The following FN1 variants were observed in gnomAD, a reference collection of about 807,000 sequenced individuals.
FN1 encodes the protein fibronectin.
A neutral mutation model predicts 297.3 loss-of-function variants in FN1; 106 were observed. That is an observed-to-expected ratio of 0.36 (90% CI 0.30 to 0.42). FN1 has a LOEUF of 0.42. FN1 is among the 10% of genes least tolerant of loss of function. FN1 has a pLI of 1.00. For synonymous variants in FN1, 1,149 were observed against 1,152.6 expected (o/e 1.00, Z 0.06); for missense variants, 2,690 against 3,124.9 (o/e 0.86, Z 3.32).
intron 12 of FN1, among the ~76,000 whole-genome samples, chr2:215,416,472 GA>G (rs2063449702): frequency 6.6e-6 from 1 of 152,054 alleles, no homozygotes; most frequent in Non-Finnish European, 1.5e-5. Context: ...AACTATTCAA[GA>G]AAAATTTTGG....
At chr2:215,404,333 A>C in intron 20 of FN1, 56 bp downstream of exon 20, 1 of 1,483,868 alleles carries the variant, frequency 6.7e-7, no homozygotes, top group Non-Finnish European at 9.4e-7. Flanking sequence ...GTTTTAAAGC[A>C]TGAAGAATAG....
At chr2:215,401,785 G>A (rs533941394) in intron 20 of FN1, among the ~76,000 whole-genome samples, 10 of 151,972 alleles carry the variant, frequency 6.6e-5, no homozygotes, top group African/African-American at 2.4e-4. Context: ...ATTCTAAGGA[G>A]CCATTTTTTA....
rs1167204717 is a variant in FN1, at chr2:215,368,022, C to T, written c.6859G>A (p.Glu2287Lys). The change falls in exon 42 of 46, where the codon GAA becomes AAA. Residue 2287 changes from glutamate (E) to lysine (K), a missense_variant. Transcript: ENST00000354785. The part of the protein sequence containing the change: ...EVVTVGNSVN[E>K]GLNQPTDDSC... ...TCATCCGTAGGTTGGTTCAAGCCTTCGTTGACTATGAAGAAAAGGAAGAAA... is the reference window on the plus strand; with the variant it reads ...TCATCCGTAGGTTGGTTCAAGCCTTTGTTGACTATGAAGAAAAGGAAGAAA... The T allele has an allele frequency of 5.0e-6, 8 of 1,614,058 alleles. No individual in the cohort carries two copies. In the East Asian group the frequency reaches 1.1e-4, roughly 22 times the overall value.
In FN1 at chr2:215,431,861, T is replaced by C. The variant is rs772613670; in HGVS notation, c.519A>G (p.Gly173=). 1.2e-5 allele frequency: 20 copies of C among 1,614,026 alleles called. No individual in the cohort carries two copies. In the African/African-American group the frequency reaches 2.7e-4, roughly 22 times the overall value. The change falls in exon 4 of 46, where the codon GGA becomes GGG. Residue 173 remains glycine (G), a synonymous_variant. Coordinates refer to ENST00000354785, the MANE Select transcript of FN1 (RefSeq NM_212482.4). ...YMLECVCLGN[G]KGEWTCKPIA... is the part of the protein sequence containing the mutation. Reference sequence around the variant, plus strand: ...TGGGCTTGCAGGTCCATTCTCCTTTTCCATTACCAAGACACACACACTCTA... The same window carrying C: ...TGGGCTTGCAGGTCCATTCTCCTTTCCCATTACCAAGACACACACACTCTA...
rs1470274039 is a variant in FN1, at chr2:215,381,026, T to G, written c.5219A>C (p.Lys1740Thr). 6.2e-7 allele frequency: 1 copy of G among 1,614,236 alleles called. No homozygotes were observed. Among genetic ancestry groups the G allele is most frequent in the Non-Finnish European group, 8.5e-7 (1 of 1,180,026 alleles). The change falls in exon 33 of 46, where the codon AAA becomes ACA. Residue 1740 changes from lysine (K) to threonine (T), a missense_variant. Lys to Thr is a moderately conservative substitution (Grantham distance 78). Around this residue, in one of 3 missense-constraint regions of FN1, gnomAD observed 1,743 missense variants for 1,945.2 expected, o/e 0.90. Transcript: ENST00000354785. ...CCCCTGTGGGCTTTCCCAAGCAATT[T>G]TGATGGAATCGACATCCACATCAGT... ...AFTDVDVDSI[K>T]IAWESPQGQV...
chr2:215,370,554 C>CA (rs768951130), intron 40 of FN1, 122 bp from the exon 41 acceptor site: 15,640 of 309,906 alleles, frequency 0.05, 10 homozygotes, highest in South Asian at 0.064. Context: ...AAACAAAAAA[C>CA]AAAAAAAAAA....
At chr2:215,373,463 G>A (rs759748522) in intron 38 of FN1, 52 bp from the exon 39 acceptor site, 7 of 1,471,678 alleles carry the variant, frequency 4.8e-6, no homozygotes, top group Non-Finnish European at 6.6e-6. Context: ...AGCTAGTCAA[G>A]TGGAAGTCGG....
chr2:215,382,957 G>A (rs1417141753), intron 31 of FN1, among the ~76,000 whole-genome samples: 1 of 151,574 alleles, frequency 6.6e-6, no homozygotes, highest in Non-Finnish European at 1.5e-5. Context: ...AATATTAGGT[G>A]GTCCTACCCC....
rs1559628863 is a variant in FN1 at position 215,435,665 on chromosome 2, A to G, written c.138T>C (p.Ser46=). ...MVQPQSPVAV[S]QSKPGCYDNG... is the part of the protein sequence containing the mutation. ...GCGGTCAGTACTCACGCTTGCTTTG[A>G]CTGACAGCCACCGGGGACTGGGGCT... Residue 46 remains serine, a synonymous_variant, in exon 1 of 46, where the codon AGT becomes AGC. Coordinates refer to ENST00000354785, the MANE Select transcript of FN1 (RefSeq NM_212482.4). The G allele has an allele frequency of 4.3e-6, 7 of 1,613,470 alleles. No homozygotes were observed. Among genetic ancestry groups the G allele is most frequent in the East Asian group, 2.2e-5 (1 of 44,874 alleles).
intron 38 of FN1, 147 bp from the exon 39 acceptor site, chr2:215,373,558 C>T: frequency 1.4e-6 from 1 of 693,090 alleles, no homozygotes; most frequent in Non-Finnish European, 2.7e-6. Context: ...CTTCACTTTT[C>T]CTCCATAAAC....
chr2:215,434,901 A>G (rs1029912657), intron 1 of FN1, 77 bp from the exon 2 acceptor site: 1 of 1,511,484 alleles, frequency 6.6e-7, no homozygotes, highest in African/African-American at 1.4e-5. Flanking sequence ...TCATGTGAAT[A>G]TTGACGTACA....
chr2:215,362,159 A>T (rs2053594932), intron 44 of FN1, 80 bp from the exon 45 acceptor site: 1 of 1,065,612 alleles, frequency 9.4e-7, no homozygotes, highest in African/African-American at 1.5e-5. Context: ...AGTTAAAGAA[A>T]AATGTCACAT....
chr2:215,406,594 G>GT, intron 18 of FN1, 84 bp from the exon 19 acceptor site: 1 of 1,395,574 alleles, frequency 7.2e-7, no homozygotes. Context: ...ATGTTAGGCA[G>GT]TTCATTGAGC....
At position 215,380,881 on chromosome 2, in the gene FN1, C is replaced by T. The variant is rs919691579; in HGVS notation, c.5364G>A (p.Glu1788=). The change falls in exon 33 of 46, where the codon GAG becomes GAA. Residue 1788 remains glutamate (E), a synonymous_variant. Transcript: ENST00000354785. Reference sequence around the variant, plus strand: ...GCAAGGCAACCACACTGACTGTGTACTCAGAACCCGGTCTGAGGCCTTGCA... The same window carrying T: ...GCAAGGCAACCACACTGACTGTGTATTCAGAACCCGGTCTGAGGCCTTGCA... The part of the protein sequence containing the change: ...AELQGLRPGS[E]YTVSVVALHD... 1 of 1,614,166 alleles carries T rather than the reference C, an allele frequency of 6.2e-7. No individual in the cohort carries two copies. The highest frequency in any genetic ancestry group is 8.5e-7 in the Non-Finnish European group (1 of 1,180,026).
chr2:215,414,644 C>T (rs2063177339), intron 13 of FN1, 193 bp downstream of exon 13: 1 of 1,340,214 alleles, frequency 7.5e-7, no homozygotes, highest in Non-Finnish European at 9.6e-7. Context: ...AAACCCAAAA[C>T]CAAAACCAAA....
Position 215,378,155 on chromosome 2 carries a change from G to A in FN1, c.5710+20C>T, listed in dbSNP as rs762975013. The A allele has an allele frequency of 7.1e-7, 1 of 1,416,254 alleles. No homozygotes were observed. Among genetic ancestry groups the A allele is most frequent in the South Asian group, 1.1e-5 (1 of 87,240 alleles). 87.7% of individuals were successfully genotyped at this position (1,416,254 alleles called of 1,614,324 possible). The stretch of plus-strand genomic sequence containing the variant: ...GTCTATACAGAAGGTTTGTCCATAT[G>A]AAGACATTTTGTTACTTACTCTCCA... On this transcript the variant is annotated intron_variant, in intron 35 of 45. Transcript: ENST00000354785.
Position 215,384,131 on chromosome 2 carries a change from T to A in FN1, c.4783A>T (p.Thr1595Ser). The A allele has an allele frequency of 6.2e-7, 1 of 1,614,116 alleles. No homozygotes were observed. Among genetic ancestry groups the A allele is most frequent in the Non-Finnish European group, 8.5e-7 (1 of 1,179,992 alleles). Reference protein sequence around the residue: ...FTVPGSKSTATISGLKPGVDY... With the variant: ...FTVPGSKSTASISGLKPGVDY... ...ACTCCAGGTTTAAGGCCGCTGATGGTAGCTGTAGACTTGCTCCCAGGCACA... is the reference window on the plus strand; with the variant it reads ...ACTCCAGGTTTAAGGCCGCTGATGGAAGCTGTAGACTTGCTCCCAGGCACA... The change falls in exon 30 of 46, where the codon ACC (threonine) becomes TCC (serine). Residue 1595 changes from threonine to serine, a missense_variant. Thr to Ser is a moderately conservative substitution (Grantham distance 58). Coordinates refer to ENST00000354785, the MANE Select transcript of FN1 (RefSeq NM_212482.4).
intron 6 of FN1, among the ~76,000 whole-genome samples, chr2:215,425,713 C>T (rs554613437): frequency 6.6e-6 from 1 of 152,110 alleles, no homozygotes; most frequent in Non-Finnish European, 1.5e-5. Flanking sequence ...CCACCATGCC[C>T]AGCTGATTTT....
chr2:215,376,967 T>C (rs1559367476), intron 35 of FN1, among the ~76,000 whole-genome samples: 2 of 152,138 alleles, frequency 1.3e-5, no homozygotes, highest in Non-Finnish European at 2.9e-5. Context: ...TCAATAAATA[T>C]TAAAATTATT....
Sources: allele counts gnomAD v4.1 joint callset (sites outside exome capture counted in the v4.1 genomes callset), GRCh38; gene constraint gnomAD v4.1.1; regional missense constraint gnomAD v4.1.1; transcripts MANE v1.5; gene names NCBI Gene and HGNC (gene_info 2026-07-23, HGNC 2026-07-21).